Variants in UNC13D observed in about 807,000 individuals in gnomAD.
The protein encoded by UNC13D is unc-13 homolog D, also known as protein unc-13 homolog D.
A neutral mutation model predicts 151.7 loss-of-function variants in UNC13D; 115 were observed. The ratio of observed to expected loss-of-function variants is 0.76; its 90% CI spans 0.65 to 0.88. The LOEUF (loss-of-function observed/expected upper bound fraction) is 0.88, where lower values mean the gene tolerates loss of function less well. Among genes scored for constraint, UNC13D ranks in the 40% least tolerant of loss-of-function variants. UNC13D has a pLI of 0.00. For missense variants in UNC13D, 1,369 were observed against 1,438.7 expected (o/e 0.95, Z 0.78); for synonymous variants, 588 against 612.2 (o/e 0.96, Z 0.58).
rs756145037 is a variant in UNC13D at position 75,835,059 on chromosome 17, A to G, written c.1853T>C (p.Val618Ala). The change falls in exon 21 of 32, where the codon GTG becomes GCG. Residue 618 changes from valine (V) to alanine (A), a missense_variant. Val to Ala is a moderately conservative substitution (Grantham distance 64). This residue lies in a region of UNC13D where 807 missense variants were observed against 795.5 expected (regional missense o/e 1.01). Coordinates refer to ENST00000207549, the MANE Select transcript of UNC13D (RefSeq NM_199242.3). ...VQRAVQMDEL[V>A]PLGELTKHST... is the part of the protein sequence containing the mutation. ...GTGCTTGGTCAGTTCACCCAGGGGC[A>G]CCAGCTGGGGGAAGAAAGGAGGACT... The G allele has an allele frequency of 1.9e-6, 3 of 1,613,478 alleles. No homozygotes were observed. The African/African-American group carries it at 4.0e-5, about 22-fold the overall frequency.
rs1391358022 is a variant in UNC13D, at chr17:75,840,734, C to G, written c.683+28G>C. On this transcript the variant is annotated intron_variant, in intron 8 of 31. Coordinates refer to ENST00000207549, the MANE Select transcript of UNC13D (RefSeq NM_199242.3). This position sits in a 1 kb window ranked among gnomAD's most constrained non-coding sequence, Gnocchi z 4.6. ...ATGGAGGGCAAAAGGAGCCCCAACC[C>G]CTTCCCTGTGAGCCCTGCAACACGA... 6.2e-7 allele frequency: 1 copy of G among 1,613,840 alleles called. No homozygotes were observed. The highest frequency in any genetic ancestry group is 1.1e-5 in the South Asian group (1 of 91,066).
chr17:75,842,936 G>T lies in UNC13D; in HGVS notation c.322-13C>A, dbSNP rs2064959329. The T allele has an allele frequency of 1.2e-6, 2 of 1,613,332 alleles. No homozygotes were observed. Among genetic ancestry groups the T allele is most frequent in the Non-Finnish European group, 1.7e-6 (2 of 1,180,008 alleles). ...AAAATATTGGCTTCTGGAGGGACAG[G>T]AGGGATGGCCTGAGTCCCTGAGGGG... On this transcript the variant is annotated splice_polypyrimidine_tract_variant and intron_variant, in intron 4 of 31. Coordinates refer to ENST00000207549, the MANE Select transcript of UNC13D (RefSeq NM_199242.3).
At position 75,833,006 on chromosome 17, in the gene UNC13D, A is replaced by G; in HGVS notation, c.2407T>C (p.Cys803Arg). 6.2e-7 allele frequency: 1 copy of G among 1,603,946 alleles called. No individual in the cohort carries two copies. Among genetic ancestry groups the G allele is most frequent in the Non-Finnish European group, 8.5e-7 (1 of 1,176,130 alleles). Residue 803 changes from cysteine to arginine, a missense_variant, in exon 25 of 32, where the codon TGC (cysteine) becomes CGC (arginine). By Grantham distance (180) the Cys-to-Arg change is radical. This residue lies in a region of UNC13D where 807 missense variants were observed against 795.5 expected (regional missense o/e 1.01). Transcript: ENST00000207549. This position sits in a 1 kb window ranked among gnomAD's most constrained non-coding sequence, Gnocchi z 4.0. ...TGCACCAAGTTGGTGTTCATGTAGC[A>G]AAGCTCCACCTCCAGGAACTTCATC... is the stretch of plus-strand genomic sequence containing the variant. ...PLMKFLEVELCYMNTNLVQEN... is the reference protein window; with the variant it reads ...PLMKFLEVELRYMNTNLVQEN...
rs527842266 is a variant in UNC13D at position 75,843,528 on chromosome 17, C to T, written c.118-9G>A. The T allele has an allele frequency of 1.2e-6, 2 of 1,611,430 alleles. No homozygotes were observed. Among genetic ancestry groups the T allele is most frequent in the African/African-American group, 1.3e-5 (1 of 75,022 alleles). ...TGGGATGGAGGCTGGATCTGCAGAG[C>T]AAGGTGGAAAGGCAGTGTCCCGGGA... On this transcript the variant is annotated splice_polypyrimidine_tract_variant and intron_variant, in intron 1 of 31. Coordinates refer to ENST00000207549, the MANE Select transcript of UNC13D (RefSeq NM_199242.3).
chr17:75,838,090 T>C (rs1293015844), intron 12 of UNC13D, among the ~76,000 whole-genome samples: 1 of 152,196 alleles, frequency 6.6e-6, no homozygotes, highest in African/African-American at 2.4e-5. Context: ...GTACACAAGC[T>C]GACCCCAGCC....
rs1358981733 is a variant in UNC13D at position 75,827,560 on chromosome 17, T to TA, written c.*404dup. 2.3e-5 allele frequency: 35 copies of TA among 1,535,016 alleles called. No individual in the cohort carries two copies. The highest frequency in any genetic ancestry group is 1.4e-5 in the Non-Finnish European group (16 of 1,146,546). The stretch of plus-strand genomic sequence containing the variant: ...CCTTTTCCAGGAGACTCTGTGCCTG[T>TA]AGCCCTGGTCCCAGTGAACCTGGCC... On this transcript the variant is annotated 3_prime_UTR_variant, in exon 32 of 32. Coordinates refer to ENST00000207549, the MANE Select transcript of UNC13D (RefSeq NM_199242.3).
rs2064944384 is a variant in UNC13D, at chr17:75,840,962, G to A, written c.609C>T (p.Asp203=). Residue 203 remains aspartate, a synonymous_variant, in exon 7 of 32, where the codon GAC becomes GAT. Transcript: ENST00000207549. The surrounding 1 kb of genome is among the most constrained non-coding windows in gnomAD (Gnocchi z 4.6). ...EDITNASFHL[D]MWDLDTVESV... ...GGGCAGGCCAGGTCACTCACCACAT[G>A]TCCAGATGAAAGCTCGCATTGGTGA... 6.2e-7 allele frequency: 1 copy of A among 1,613,832 alleles called. No individual in the cohort carries two copies. Among genetic ancestry groups the A allele is most frequent in the Non-Finnish European group, 8.5e-7 (1 of 1,180,022 alleles).
rs1411588113 is a variant in UNC13D at position 75,840,251 on chromosome 17, G to A, written c.832C>T (p.Leu278Phe). ...CGCTTATGGATGAGTTGGAACTGGA[G>A]GTGGCACTGGCCTCGGTCTGGGTAG... ...ETYPDRGQCH[L>F]QFQLIHKRRA... Residue 278 changes from leucine (L) to phenylalanine (F), a missense_variant, in exon 10 of 32, where the codon CTC becomes TTC. By Grantham distance (22) the Leu-to-Phe change is conservative. This residue lies in a region of UNC13D where 550 missense variants were observed against 609.0 expected (regional missense o/e 0.90). Transcript: ENST00000207549. This position sits in a 1 kb window ranked among gnomAD's most constrained non-coding sequence, Gnocchi z 4.6. 6.2e-7 allele frequency: 1 copy of A among 1,614,050 alleles called. No individual in the cohort carries two copies. The highest frequency in any genetic ancestry group is 8.5e-7 in the Non-Finnish European group (1 of 1,180,042).
At chr17:75,828,551 A>G (rs2062139638) in intron 31 of UNC13D, among the ~76,000 whole-genome samples, 1 of 152,230 alleles carries the variant, frequency 6.6e-6, no homozygotes, top group South Asian at 2.1e-4. Context: ...AGTGAGATCC[A>G]GGCCCTTCTC....
intron 17 of UNC13D, 39 bp downstream of exon 17, chr17:75,835,973 G>A (rs761634562): frequency 6.2e-7 from 1 of 1,614,150 alleles, no homozygotes; most frequent in Non-Finnish European, 8.5e-7. Context: ...CGGCTCTGAG[G>A]CAATGCCCCA....
chr17:75,840,079 C>G lies in UNC13D; in HGVS notation c.890G>C (p.Ser297Thr). ...CAGGAGGTGGAGGTGCACGGTGTAG[C>G]TCGGCTGCGAGCGGCTGGCCGAAGT... ...RATSASRSQP[S>T]YTVHLHLLQQ... Residue 297 changes from serine to threonine, a missense_variant, in exon 11 of 32, where the codon AGC (serine) becomes ACC (threonine). This residue lies in a region of UNC13D where 550 missense variants were observed against 609.0 expected (regional missense o/e 0.90). Transcript: ENST00000207549. This position sits in a 1 kb window ranked among gnomAD's most constrained non-coding sequence, Gnocchi z 4.6. 1.2e-6 allele frequency: 2 copies of G among 1,613,408 alleles called. No individual in the cohort carries two copies. Among genetic ancestry groups the G allele is most frequent in the South Asian group, 1.1e-5 (1 of 91,056 alleles).
chr17:75,833,132 A>G lies in UNC13D; in HGVS notation c.2368-87T>C. On this transcript the variant is annotated intron_variant, in intron 24 of 31. Coordinates refer to ENST00000207549, the MANE Select transcript of UNC13D (RefSeq NM_199242.3). This position sits in a 1 kb window ranked among gnomAD's most constrained non-coding sequence, Gnocchi z 4.0. ...TTCCCCTGACCTGGAGGGAGGAAAC[A>G]GGGCTGGGAACCGTTCTGTGAGAGC... is the stretch of plus-strand genomic sequence containing the variant. The G allele has an allele frequency of 7.3e-7, 1 of 1,375,584 alleles. No individual in the cohort carries two copies. Among genetic ancestry groups the G allele is most frequent in the Non-Finnish European group, 1.0e-6 (1 of 991,782 alleles). 85.2% of individuals were successfully genotyped at this position (1,375,584 alleles called of 1,614,324 possible). A position where few individuals can be genotyped will look rare whatever the true frequency, so the allele number is the denominator to read the frequency against.
At chr17:75,841,362 C>G (rs2064948054) in intron 6 of UNC13D, among the ~76,000 whole-genome samples, 1 of 151,048 alleles carries the variant, frequency 6.6e-6, no homozygotes, top group African/African-American at 2.4e-5. Context: ...CCACACTGGT[C>G]TTGAGCTTCT....
At position 75,840,149 on chromosome 17, in the gene UNC13D, T is replaced by G; in HGVS notation, c.859-39A>C. Reference sequence around the variant, plus strand: ...TCTGTGAGCAGACAGGGCCTCACACTGGGTGCAGCCAGCCCCGCAACCCAG... The same window carrying G: ...TCTGTGAGCAGACAGGGCCTCACACGGGGTGCAGCCAGCCCCGCAACCCAG... On this transcript the variant is annotated intron_variant, in intron 10 of 31. Transcript: ENST00000207549. This position sits in a 1 kb window ranked among gnomAD's most constrained non-coding sequence, Gnocchi z 4.6. 6.2e-7 allele frequency: 1 copy of G among 1,611,632 alleles called. No homozygotes were observed. Among genetic ancestry groups the G allele is most frequent in the Non-Finnish European group, 8.5e-7 (1 of 1,178,984 alleles).
At position 75,834,134 on chromosome 17, in the gene UNC13D, C is replaced by T; in HGVS notation, c.2308G>A (p.Gly770Ser). The change falls in exon 24 of 32, where the codon GGC (glycine) becomes AGC (serine). Residue 770 changes from glycine to serine, a missense_variant. This residue lies in a region of UNC13D where 807 missense variants were observed against 795.5 expected (regional missense o/e 1.01). Transcript: ENST00000207549. ...VRTLAEQLEV[G>S]IAKHIQKLVG... is the part of the protein sequence containing the mutation. ...AGTTTCTGGATGTGCTTGGCGATGC[C>T]CACCTCCAACTGGAGACACAAAACG... The T allele has an allele frequency of 6.2e-7, 1 of 1,613,722 alleles. No homozygotes were observed. The highest frequency in any genetic ancestry group is 1.1e-5 in the South Asian group (1 of 91,076).
At chr17:75,841,365 G>A (rs1490288317) in intron 6 of UNC13D, among the ~76,000 whole-genome samples, 5 of 151,154 alleles carry the variant, frequency 3.3e-5, no homozygotes, top group Non-Finnish European at 2.9e-5. Flanking sequence ...CACTGGTCTT[G>A]AGCTTCTGAC....
At chr17:75,835,087 G>C in intron 20 of UNC13D, 24 bp from the exon 21 acceptor site, 1 of 1,613,292 alleles carries the variant, frequency 6.2e-7, no homozygotes. Context: ...GGAGGACTCA[G>C]GATACTGCCA....
intron 30 of UNC13D, among the ~76,000 whole-genome samples, chr17:75,829,421 G>A (rs556064536): frequency 1.9e-4 from 29 of 151,976 alleles, no homozygotes; most frequent in African/African-American, 4.3e-4. Context: ...TCAGCCTCCC[G>A]AGTAGCTGGG....
At chr17:75,835,379 C>T (rs764243052) in intron 20 of UNC13D, 30 bp downstream of exon 20, 1 of 1,606,058 alleles carries the variant, frequency 6.2e-7, no homozygotes, top group Non-Finnish European at 8.5e-7. Context: ...CAAACCGGGG[C>T]CCCGCCCCCT....
Sources: gnomAD v4.1 joint callset for allele counts (sites outside exome capture counted in the v4.1 genomes callset) on GRCh38, gnomAD v4.1.1 for gene constraint, gnomAD v4.1.1 regional missense constraint, Gnocchi (gnomAD v3.1) non-coding constraint, MANE v1.5 for transcripts, NCBI Gene and HGNC (gene_info 2026-07-23, HGNC 2026-07-21) for gene names.